ARHGAP26: variants seen among roughly 807,000 people sequenced by gnomAD.
The protein encoded by ARHGAP26 is rho GTPase-activating protein 26.
ARHGAP26 carries 38 observed loss-of-function variants against 104.8 expected under a neutral mutation model. The ratio of observed to expected loss-of-function variants is 0.36; its 90% CI spans 0.28 to 0.48. The LOEUF is 0.48. Among genes scored for constraint, ARHGAP26 ranks in the 20% least tolerant of loss-of-function variants. ARHGAP26 has a pLI of 0.99. For missense variants in ARHGAP26, 704 were observed against 947.9 expected (o/e 0.74, Z 3.38); for synonymous variants, 341 against 340.0 (o/e 1.00, Z -0.03).
chr5:142,962,790 CTTGT>C (rs1435272265), intron 11 of ARHGAP26, among the ~76,000 whole-genome samples: 9 of 151,998 alleles, frequency 5.9e-5, no homozygotes, highest in Admixed American at 1.3e-4. Flanking sequence ...CAGCTTAACT[CTTGT>C]TTGTTTTTTT....
At chr5:143,205,615 C>G (rs1413798026) in intron 20 of ARHGAP26, among the ~76,000 whole-genome samples, 1 of 152,170 alleles carries the variant, frequency 6.6e-6, no homozygotes, top group Non-Finnish European at 1.5e-5. Context: ...CAGGGCAAGT[C>G]CTGCTATGTC....
intron 5 of ARHGAP26, among the ~76,000 whole-genome samples, chr5:142,888,893 A>C (rs1758091686): frequency 1.3e-5 from 2 of 152,200 alleles, no homozygotes; most frequent in Admixed American, 6.5e-5. Context: ...GAAACGCAGA[A>C]TGGTTGACGG....
chr5:142,901,266 G>A (rs1254851290), intron 6 of ARHGAP26, among the ~76,000 whole-genome samples: 4 of 152,156 alleles, frequency 2.6e-5, no homozygotes, highest in East Asian at 1.9e-4. Flanking sequence ...ACAATGAAAC[G>A]GGCTTACCTT....
chr5:143,144,307 G>A (rs780882345), intron 19 of ARHGAP26, among the ~76,000 whole-genome samples: 4 of 152,166 alleles, frequency 2.6e-5, no homozygotes, highest in African/African-American at 7.2e-5. Flanking sequence ...TAGGCTGCCT[G>A]TTCTTGTGCG....
intron 11 of ARHGAP26, among the ~76,000 whole-genome samples, chr5:142,995,566 A>G (rs1315715535): frequency 6.6e-6 from 1 of 152,226 alleles, no homozygotes; most frequent in African/African-American, 2.4e-5. Flanking sequence ...TGTTGGTGGG[A>G]GTGTAAATTA....
In ARHGAP26 at chr5:142,907,781, G is replaced by T; in HGVS notation, c.910G>T (p.Asp304Tyr). Residue 304 changes from aspartate (D) to tyrosine (Y), a missense_variant, in exon 9 of 23, where the codon GAC (aspartate) becomes TAC (tyrosine). Transcript: ENST00000645722. ...DSKQITMVPFDQKSGGKGGED... is the reference protein window; with the variant it reads ...DSKQITMVPFYQKSGGKGGED... ...CAAACAAATCACCATGGTACCATTT[G>T]ACCAAAAGTCAGGAGGAAAAGGGGT... 1 of 1,610,652 alleles carries T rather than the reference G, an allele frequency of 6.2e-7. No individual in the cohort carries two copies. Among genetic ancestry groups the T allele is most frequent in the South Asian group, 1.1e-5 (1 of 90,536 alleles).
At chr5:143,043,344 T>C (rs1221317127) in intron 14 of ARHGAP26, among the ~76,000 whole-genome samples, 1 of 152,258 alleles carries the variant, frequency 6.6e-6, no homozygotes, top group African/African-American at 2.4e-5. Flanking sequence ...AGTGTAATTT[T>C]CTCAAGATTT....
intron 1 of ARHGAP26, among the ~76,000 whole-genome samples, chr5:142,810,123 A>G (rs948728725): frequency 6.6e-5 from 10 of 152,206 alleles, no homozygotes; most frequent in Non-Finnish European, 1.3e-4. Context: ...AAGAGAAGGC[A>G]GTATTTGGCT....
chr5:142,783,317 C>T (rs760226709), intron 1 of ARHGAP26, among the ~76,000 whole-genome samples: 2 of 152,308 alleles, frequency 1.3e-5, no homozygotes, highest in African/African-American at 4.8e-5. Context: ...GGCCTGTGAG[C>T]GGGAACCCTT....
chr5:142,961,008 C>T (rs144469783), intron 11 of ARHGAP26, among the ~76,000 whole-genome samples: 16 of 152,324 alleles, frequency 1.1e-4, no homozygotes, highest in Non-Finnish European at 2.1e-4. Context: ...CTCTTCCCCA[C>T]CTCTAGAAGC....
chr5:143,210,748 C>CA (rs935728556), intron 21 of ARHGAP26, among the ~76,000 whole-genome samples: 4 of 152,266 alleles, frequency 2.6e-5, no homozygotes, highest in African/African-American at 7.2e-5. Context: ...CATCATTTTG[C>CA]AAGGTTTGCA....
intron 3 of ARHGAP26, 127 bp from the exon 4 acceptor site, chr5:142,879,247 A>G (rs1756577088): frequency 2.4e-6 from 2 of 820,230 alleles, no homozygotes; most frequent in African/African-American, 3.4e-5. Flanking sequence ...AACAGTTGAC[A>G]TGTACAACAC....
chr5:142,997,847 A>G (rs245713), intron 11 of ARHGAP26, among the ~76,000 whole-genome samples: 145,180 of 152,136 alleles, frequency 0.95, 69,474 homozygotes, highest in Non-Finnish European at 0.99. Flanking sequence ...AAAGAAGTTT[A>G]TGATGTGCCT....
Position 142,909,395 on chromosome 5 carries a change from C to T in ARHGAP26, c.933+1591C>T, listed in dbSNP as rs146854421. Among the ~76,000 whole-genome samples the T allele has an allele frequency of 3.7e-4, 56 of 152,300 alleles. 1 individual carries two copies. In the East Asian group the frequency reaches 9.8e-3, roughly 27 times the overall value. ...GGCATTATAGAGTAGGGGTTAAAAG[C>T]GCTGGCTTTGCTCTCAGTCTGCCTG... On this transcript the variant is annotated intron_variant, in intron 9 of 22. Coordinates refer to ENST00000645722, the MANE Select transcript of ARHGAP26 (RefSeq NM_001135608.3).
In ARHGAP26 at chr5:143,207,057, A is replaced by G. The variant is rs969069561; in HGVS notation, c.1989-141A>G. On this transcript the variant is annotated intron_variant, in intron 20 of 22. Coordinates refer to ENST00000645722, the MANE Select transcript of ARHGAP26 (RefSeq NM_001135608.3). ...GAGATTTGGTCTGGAGGAATGTGAC[A>G]TGGCCCTGACAGCACATCCCTGGGT... is the stretch of plus-strand genomic sequence containing the variant. The G allele has an allele frequency of 7.6e-6, 7 of 925,578 alleles. No homozygotes were observed. The African/African-American group carries it at 1.0e-4, about 13-fold the overall frequency. 57.3% of individuals were successfully genotyped at this position (925,578 alleles called of 1,614,324 possible).
chr5:142,843,485 C>A (rs1771231232), intron 1 of ARHGAP26, among the ~76,000 whole-genome samples: 1 of 152,232 alleles, frequency 6.6e-6, no homozygotes, highest in Non-Finnish European at 1.5e-5. Flanking sequence ...AGTGCTTACT[C>A]CGTGCCAGAC....
chr5:143,098,809 G>T (rs145917361), intron 17 of ARHGAP26, among the ~76,000 whole-genome samples: 4 of 152,228 alleles, frequency 2.6e-5, no homozygotes, highest in Admixed American at 6.5e-5. Context: ...CACATATTAA[G>T]AAATTAACAC....
chr5:142,867,225 C>T lies in ARHGAP26; in HGVS notation c.155-6175C>T, dbSNP rs112802614. On this transcript the variant is annotated intron_variant, in intron 1 of 22. Transcript: ENST00000645722. Reference sequence around the variant, plus strand: ...GCCACCTAGTGGCCACAGGTAAGACCGTGTGTCACGGAAACGAGAAAAATG... The same window carrying T: ...GCCACCTAGTGGCCACAGGTAAGACTGTGTGTCACGGAAACGAGAAAAATG... Among the ~76,000 whole-genome samples, 931 of 151,362 alleles carry T rather than the reference C, an allele frequency of 6.2e-3. 8 individuals are homozygous for T. Among genetic ancestry groups the T allele is most frequent in the African/African-American group, 0.021 (867 of 41,116 alleles).
rs1455044182 is a variant in ARHGAP26, at chr5:142,829,519, G to C, written c.155-43881G>C. On this transcript the variant is annotated intron_variant, in intron 1 of 22. Coordinates refer to ENST00000645722, the MANE Select transcript of ARHGAP26 (RefSeq NM_001135608.3). ...CACCATTAATAACTTCAAAAAGCTA[G>C]AGATCTGCAGAGCAGAGGGCACCTC... Among the ~76,000 whole-genome samples, 3 of 152,188 alleles carry C rather than the reference G, an allele frequency of 2.0e-5. No homozygotes were observed. In the East Asian group the frequency reaches 5.8e-4, roughly 29 times the overall value.
Sources: gnomAD v4.1 joint callset for allele counts (sites outside exome capture counted in the v4.1 genomes callset) on GRCh38, gnomAD v4.1.1 for gene constraint, MANE v1.5 for transcripts, NCBI Gene and HGNC (gene_info 2026-07-23, HGNC 2026-07-21) for gene names.